Variants in PDE1A observed in about 807,000 individuals in gnomAD.
The protein encoded by PDE1A is phosphodiesterase 1A.
PDE1A carries 35 observed loss-of-function variants against 61.7 expected under a neutral mutation model. The ratio of observed to expected loss-of-function variants is 0.57; its 90% CI spans 0.43 to 0.75. The LOEUF is 0.75. Among genes scored for constraint, PDE1A ranks in the 30% least tolerant of loss-of-function variants. PDE1A has a pLI of 0.00. For synonymous variants in PDE1A, 232 were observed against 213.2 expected, an observed-to-expected ratio of 1.09 and a Z score of -0.77; for missense variants, 597 against 630.6, an observed-to-expected ratio of 0.95 and a Z score of 0.57.
intron 13 of PDE1A, among the ~76,000 whole-genome samples, chr2:182,171,760 A>G (rs1168526378): frequency 1.3e-5 from 2 of 151,116 alleles, no homozygotes; most frequent in Non-Finnish European, 3.0e-5. Flanking sequence ...CTGCTACTAG[A>G]TGAGAGCGGC....
intron 1 of PDE1A, among the ~76,000 whole-genome samples, chr2:182,321,698 AT>A (rs1474136970): frequency 6.6e-6 from 1 of 152,148 alleles, no homozygotes; most frequent in Non-Finnish European, 1.5e-5. Context: ...TTTGCAAATT[AT>A]TCCTTTAGGA....
chr2:182,458,559 A>G (rs969184028), intron 2 of PDE1A, among the ~76,000 whole-genome samples: 2 of 152,068 alleles, frequency 1.3e-5, no homozygotes, highest in African/African-American at 4.8e-5. Context: ...AAATCTTCCC[A>G]ATAATGCCCT....
intron 2 of PDE1A, among the ~76,000 whole-genome samples, chr2:182,515,486 G>A (rs567443328): frequency 1.3e-5 from 2 of 152,304 alleles, no homozygotes; most frequent in South Asian, 2.1e-4. Flanking sequence ...TCTGATTAGA[G>A]TTCAATTTCT....
At chr2:182,596,669 G>A in the PDE1A span, among the ~76,000 whole-genome samples, 1 of 148,990 alleles carries the variant, frequency 6.7e-6, no homozygotes, top group Non-Finnish European at 1.5e-5. Flanking sequence ...CTGTCTGCAT[G>A]AATAATAAAC....
At position 182,241,756 on chromosome 2, in the gene PDE1A, G is replaced by A. The variant is rs908310433; in HGVS notation, c.168-1464C>T. 7.3e-6 allele frequency: 9 copies of A among 1,240,200 alleles called. No individual in the cohort carries two copies. The African/African-American group carries it at 7.6e-5, about 10-fold the overall frequency. The allele number at this position is 1,240,200 out of a possible 1,614,324, so 76.8% of individuals were successfully genotyped here. A position where few individuals can be genotyped will look rare whatever the true frequency, so the allele number is the denominator to read the frequency against. ...ACAAAGATACGTGTATACATATAAC[G>A]ATAAAAAATATTTAGAGTTGAATGT... On this transcript the variant is annotated intron_variant, in intron 2 of 13. Transcript: ENST00000351439.
chr2:182,318,551 A>T (rs538617049), intron 1 of PDE1A, among the ~76,000 whole-genome samples: 1 of 152,250 alleles, frequency 6.6e-6, no homozygotes, highest in African/African-American at 2.4e-5. Flanking sequence ...TTTTGCCGAA[A>T]ATTAAATGCT....
intron 1 of PDE1A, among the ~76,000 whole-genome samples, chr2:182,386,630 G>A (rs1483244125): frequency 2.6e-5 from 4 of 151,556 alleles, no homozygotes; most frequent in Non-Finnish European, 5.9e-5. Context: ...TCTGAGAAGC[G>A]AGGAGCCCCT....
chr2:182,413,084 G>GT (rs1269859541), intron 1 of PDE1A, among the ~76,000 whole-genome samples: 2 of 152,140 alleles, frequency 1.3e-5, no homozygotes, highest in Non-Finnish European at 2.9e-5. Flanking sequence ...GAAGGGAAGC[G>GT]TAAGACAGGT....
intron 11 of PDE1A, among the ~76,000 whole-genome samples, chr2:182,187,186 A>G (rs1685280749): frequency 6.6e-6 from 1 of 152,232 alleles, no homozygotes; most frequent in South Asian, 2.1e-4. Context: ...TGTTCTGTCA[A>G]ATCAGTGAAG....
At chr2:182,609,322 T>G in the PDE1A span, among the ~76,000 whole-genome samples, 2 of 152,244 alleles carry the variant, frequency 1.3e-5, no homozygotes, top group East Asian at 3.8e-4. Flanking sequence ...CAGCAGGATG[T>G]GCGTGGCACC....
intron 3 of PDE1A, among the ~76,000 whole-genome samples, chr2:182,235,055 A>G (rs1213859838): frequency 7.9e-5 from 12 of 152,214 alleles, no homozygotes; most frequent in Admixed American, 6.5e-5. Flanking sequence ...TTCAATATTA[A>G]GAAAGTTATT....
At chr2:182,680,493 C>T in the PDE1A span, among the ~76,000 whole-genome samples, 26 of 152,002 alleles carry the variant, frequency 1.7e-4, 1 homozygote, top group Admixed American at 1.7e-3. Flanking sequence ...TAATAAAAAG[C>T]ATAGCATAGT....
downstream of PDE1A, among the ~76,000 whole-genome samples, chr2:182,167,373 C>T (rs540130858): frequency 5.3e-4 from 81 of 152,104 alleles, no homozygotes; most frequent in Non-Finnish European, 1.0e-3. Flanking sequence ...CAGAGACTGT[C>T]CACAAACTTT....
chr2:182,146,166 G>A (rs139744717), downstream of PDE1A, among the ~76,000 whole-genome samples: 1 of 152,262 alleles, frequency 6.6e-6, no homozygotes, highest in East Asian at 1.9e-4. Context: ...CTCAATTTTA[G>A]TGGACAGAAA....
chr2:182,265,900 A>C (rs1166575701), intron 1 of PDE1A, among the ~76,000 whole-genome samples: 2 of 152,206 alleles, frequency 1.3e-5, no homozygotes, highest in Non-Finnish European at 2.9e-5. Flanking sequence ...GATTGCGGCT[A>C]CTTTTAGGCA....
chr2:182,609,689 C>T, the PDE1A span, among the ~76,000 whole-genome samples: 1 of 152,236 alleles, frequency 6.6e-6, no homozygotes, highest in Admixed American at 6.5e-5. Flanking sequence ...GTAACACTCA[C>T]CGCGAGGGTT....
At chr2:182,226,540 A>G (rs1689157981) in intron 6 of PDE1A, among the ~76,000 whole-genome samples, 1 of 149,744 alleles carries the variant, frequency 6.7e-6, no homozygotes, top group South Asian at 2.1e-4. Flanking sequence ...TTAGTTCCTT[A>G]GCTGCTGATT....
At chr2:182,259,876 AT>A (rs1385208113) in intron 2 of PDE1A, among the ~76,000 whole-genome samples, 2 of 152,120 alleles carry the variant, frequency 1.3e-5, no homozygotes, top group East Asian at 1.9e-4. Flanking sequence ...AATCGAACAT[AT>A]TTTTTTAGGC....
chr2:182,632,976 C>T, the PDE1A span, among the ~76,000 whole-genome samples: 2 of 152,120 alleles, frequency 1.3e-5, no homozygotes, highest in African/African-American at 2.4e-5. Flanking sequence ...GCACCTAATC[C>T]GGTAGCATTC....
Sources: gnomAD v4.1 joint callset for allele counts (sites outside exome capture counted in the v4.1 genomes callset) on GRCh38, gnomAD v4.1.1 for gene constraint, MANE v1.5 for transcripts, NCBI Gene and HGNC (gene_info 2026-07-23, HGNC 2026-07-21) for gene names.